ARB2A: variants seen among roughly 807,000 people sequenced by gnomAD.
ARB2A encodes the protein ARB2 cotranscriptional regulator A.
At chr5:93,943,499 A>C in the ARB2A span, among the ~76,000 whole-genome samples, 2 of 152,086 alleles carry the variant, frequency 1.3e-5, no homozygotes, top group African/African-American at 2.4e-5. Flanking sequence ...ATAAATATTA[A>C]TTTTTCATAA....
At chr5:93,701,683 T>C in the ARB2A span, among the ~76,000 whole-genome samples, 1 of 152,102 alleles carries the variant, frequency 6.6e-6, no homozygotes, top group Non-Finnish European at 1.5e-5. Flanking sequence ...GCAAACATAT[T>C]AAAAATATTG....
chr5:93,998,104 C>T, the ARB2A span, among the ~76,000 whole-genome samples: 1 of 151,766 alleles, frequency 6.6e-6, no homozygotes, highest in Non-Finnish European at 1.5e-5. Context: ...CTGTAAAAAT[C>T]AGAAAGGAAC....
At chr5:93,917,298 G>A in the ARB2A span, among the ~76,000 whole-genome samples, 2 of 151,952 alleles carry the variant, frequency 1.3e-5, no homozygotes, top group Admixed American at 1.3e-4. Flanking sequence ...TCTGTAAAGG[G>A]GCATTATCCC....
At chr5:93,835,177 C>T in the ARB2A span, among the ~76,000 whole-genome samples, 2 of 152,170 alleles carry the variant, frequency 1.3e-5, no homozygotes, top group Non-Finnish European at 2.9e-5. Context: ...AGAAGTGATG[C>T]AGTAACCAAA....
the ARB2A span, among the ~76,000 whole-genome samples, chr5:93,931,231 C>A: frequency 2.6e-5 from 4 of 152,162 alleles, no homozygotes; most frequent in South Asian, 8.3e-4. Flanking sequence ...TTTGGGAGGA[C>A]GAGGTGGGCA....
chr5:93,765,114 A>T, the ARB2A span, among the ~76,000 whole-genome samples: 12 of 152,220 alleles, frequency 7.9e-5, no homozygotes. Flanking sequence ...AACTGGAAGC[A>T]TTCCCTTGCA....
the ARB2A span, among the ~76,000 whole-genome samples, chr5:94,011,936 C>CA: frequency 0.22 from 6,800 of 30,264 alleles, 605 homozygotes; most frequent in Non-Finnish European, 0.29. Context: ...AAAGGGTAGA[C>CA]AAAAAAAAAA....
chr5:93,678,295 G>T, the ARB2A span, among the ~76,000 whole-genome samples: 15 of 152,098 alleles, frequency 9.9e-5, no homozygotes, highest in Non-Finnish European at 5.9e-5. Context: ...CAAAATTATA[G>T]AATTCAGTTA....
chr5:94,097,589 A>G, the ARB2A span, among the ~76,000 whole-genome samples: 1 of 152,092 alleles, frequency 6.6e-6, no homozygotes, highest in Non-Finnish European at 1.5e-5. Flanking sequence ...GCTGCCACCC[A>G]TGTAAGACAT....
the ARB2A span, among the ~76,000 whole-genome samples, chr5:93,892,029 C>T: frequency 6.6e-6 from 1 of 152,176 alleles, no homozygotes; most frequent in African/African-American, 2.4e-5. Flanking sequence ...ACTCTCCCAG[C>T]TCTCCTTTTT....
chr5:93,646,799 C>G, the ARB2A span, among the ~76,000 whole-genome samples: 9 of 151,808 alleles, frequency 5.9e-5, no homozygotes, highest in Non-Finnish European at 1.3e-4. Context: ...TCTAAGAAAA[C>G]AAACCCAGAA....
the ARB2A span, among the ~76,000 whole-genome samples, chr5:93,748,754 T>G: frequency 2.0e-5 from 3 of 151,946 alleles, no homozygotes; most frequent in South Asian, 2.1e-4. Flanking sequence ...CAGCTAAAAA[T>G]AAAAAAGAAA....
the ARB2A span, among the ~76,000 whole-genome samples, chr5:94,065,690 C>T: frequency 6.6e-6 from 1 of 152,096 alleles, no homozygotes; most frequent in South Asian, 2.1e-4. Flanking sequence ...CAATTCTAAA[C>T]ATATATGCAC....
chr5:94,072,000 G>A, the ARB2A span, among the ~76,000 whole-genome samples: 1 of 152,048 alleles, frequency 6.6e-6, no homozygotes, highest in African/African-American at 2.4e-5. Flanking sequence ...AAACAAAATG[G>A]CATATCTAGA....
At chr5:93,796,382 T>C in the ARB2A span, among the ~76,000 whole-genome samples, 1 of 152,152 alleles carries the variant, frequency 6.6e-6, no homozygotes, top group Non-Finnish European at 1.5e-5. Flanking sequence ...TTGGCCTATA[T>C]GGTGGGGGGT....
chr5:93,792,342 C>T, the ARB2A span, among the ~76,000 whole-genome samples: 1 of 151,924 alleles, frequency 6.6e-6, no homozygotes, highest in African/African-American at 2.4e-5. Context: ...CTAAGGCAGG[C>T]TCAGCGAAGA....
At chr5:94,080,696 G>T in the ARB2A span, among the ~76,000 whole-genome samples, 2 of 152,138 alleles carry the variant, frequency 1.3e-5, no homozygotes, top group Non-Finnish European at 2.9e-5. Flanking sequence ...AGCCATTTCA[G>T]CCTGATGCAG....
the ARB2A span, among the ~76,000 whole-genome samples, chr5:93,629,691 A>C: frequency 6.6e-6 from 1 of 152,194 alleles, no homozygotes; most frequent in Non-Finnish European, 1.5e-5. Flanking sequence ...CCACAAAATA[A>C]TACATTTTTA....
chr5:93,702,706 C>G, the ARB2A span, among the ~76,000 whole-genome samples: 1 of 152,080 alleles, frequency 6.6e-6, no homozygotes, highest in Non-Finnish European at 1.5e-5. Flanking sequence ...ACTCTCAGTC[C>G]AGTGTTGCTA....
Sources: allele counts gnomAD v4.1 joint callset (sites outside exome capture counted in the v4.1 genomes callset), GRCh38; gene constraint gnomAD v4.1.1; transcripts MANE v1.5; gene names NCBI Gene and HGNC (gene_info 2026-07-23, HGNC 2026-07-21).